Variants in ROBO2 observed in about 807,000 individuals in gnomAD.
ROBO2 encodes the protein roundabout guidance receptor 2, also known as roundabout homolog 2.
In ROBO2, 53 loss-of-function variants were observed where a neutral mutation model predicts 160.8. That is an observed-to-expected ratio of 0.33 (90% CI 0.26 to 0.41). ROBO2 has a LOEUF of 0.41. ROBO2 is among the 10% of genes least tolerant of loss of function. ROBO2 has a pLI of 1.00. For synonymous variants in ROBO2, 664 were observed against 611.7 expected (o/e 1.09, Z -1.26); for missense variants, 1,577 against 1,722.4 (o/e 0.92, Z 1.49).
At position 76,002,927 on chromosome 3, in the gene ROBO2, G is replaced by A. The variant is rs146312927; in HGVS notation, c.109+65325G>A. Among the ~76,000 whole-genome samples the A allele has an allele frequency of 4.7e-4, 72 of 152,248 alleles. No homozygotes were observed. The East Asian group carries it at 0.012, about 26-fold the overall frequency. ...ACCCAGTGTGCACTGTTTTGTTAGG[G>A]CAGCCCCAGGAAACTACTACAGATA... On this transcript the variant is annotated intron_variant, in intron 2 of 26. Transcript: ENST00000487694.
At chr3:77,125,773 C>A (rs2075262420) in intron 2 of ROBO2, among the ~76,000 whole-genome samples, 1 of 152,086 alleles carries the variant, frequency 6.6e-6, no homozygotes, top group African/African-American at 2.4e-5. Context: ...ATATATATAA[C>A]TTAACTGAAG....
intron 2 of ROBO2, among the ~76,000 whole-genome samples, chr3:77,291,241 A>G (rs533564191): frequency 9.2e-5 from 14 of 152,100 alleles, no homozygotes; most frequent in African/African-American, 2.4e-4. Context: ...GACATAAAGT[A>G]AAATTGACGG....
At chr3:77,368,880 C>A (rs1223164102) in intron 2 of ROBO2, among the ~76,000 whole-genome samples, 1 of 152,116 alleles carries the variant, frequency 6.6e-6, no homozygotes, top group African/African-American at 2.4e-5. Flanking sequence ...TATATGAATA[C>A]ATGCATAGTA....
At position 76,799,213 on chromosome 3, in the gene ROBO2, C is replaced by CA. The variant is rs1339846922; in HGVS notation, c.110-298793dup. Among the ~76,000 whole-genome samples, 229 of 134,544 alleles carry CA rather than the reference C, an allele frequency of 1.7e-3. 1 individual carries two copies. Among genetic ancestry groups the CA allele is most frequent in the African/African-American group, 5.7e-3 (219 of 38,664 alleles). 88.3% of individuals were successfully genotyped at this position (134,544 alleles called of 152,430 possible). ...TGGGCGACAGAGTGAGACTCCGTCT[C>CA]AAAAAAAACAAAAACAAAACAAAAA... On this transcript the variant is annotated intron_variant, in intron 2 of 26. Coordinates refer to the ROBO2 transcript ENST00000487694.
At chr3:76,145,651 A>C (rs1322387192) in intron 2 of ROBO2, among the ~76,000 whole-genome samples, 1 of 152,054 alleles carries the variant, frequency 6.6e-6, no homozygotes, top group Non-Finnish European at 1.5e-5. Flanking sequence ...ATAGATACAG[A>C]AATTTACTTA....
At position 76,731,441 on chromosome 3, in the gene ROBO2, C is replaced by G. The variant is rs191962882; in HGVS notation, c.110-366573C>G. Among the ~76,000 whole-genome samples the G allele has an allele frequency of 2.3e-3, 345 of 152,168 alleles. 2 individuals carry two copies. The highest frequency in any genetic ancestry group is 7.9e-3 in the African/African-American group (329 of 41,522). On this transcript the variant is annotated intron_variant, in intron 2 of 26. Coordinates refer to the ROBO2 transcript ENST00000487694. ...TATGAGCATAGCATTGTGACCATAT[C>G]CCGCTTTTTGACTTCAAATTCTCAA...
At chr3:76,323,635 T>G (rs1194094775) in intron 2 of ROBO2, among the ~76,000 whole-genome samples, 1 of 152,072 alleles carries the variant, frequency 6.6e-6, no homozygotes, top group African/African-American at 2.4e-5. Flanking sequence ...AAAATTGGAG[T>G]ATTCACAAGG....
chr3:77,024,253 T>A (rs1393133041), intron 2 of ROBO2, among the ~76,000 whole-genome samples: 1 of 152,122 alleles, frequency 6.6e-6, no homozygotes, highest in Non-Finnish European at 1.5e-5. Flanking sequence ...TTAGAGGGAA[T>A]CCATTGGAAG....
At chr3:76,968,922 T>C (rs2059438252) in intron 2 of ROBO2, among the ~76,000 whole-genome samples, 1 of 151,338 alleles carries the variant, frequency 6.6e-6, no homozygotes, top group Non-Finnish European at 1.5e-5. Context: ...TAAAAGTTAA[T>C]TTAGTGACAG....
intron 2 of ROBO2, among the ~76,000 whole-genome samples, chr3:76,473,848 G>A (rs1376532101): frequency 6.6e-6 from 1 of 152,144 alleles, no homozygotes; most frequent in Non-Finnish European, 1.5e-5. Context: ...ATGCAAGTTA[G>A]AACAAAGTGC....
chr3:76,415,168 G>A (rs764816584), intron 2 of ROBO2, among the ~76,000 whole-genome samples: 48 of 152,064 alleles, frequency 3.2e-4, no homozygotes, highest in Non-Finnish European at 5.6e-4. Context: ...TATATCAAGG[G>A]GCCAGAAGTA....
chr3:76,196,977 A>C (rs898197063), intron 2 of ROBO2, among the ~76,000 whole-genome samples: 1 of 152,208 alleles, frequency 6.6e-6, no homozygotes, highest in Non-Finnish European at 1.5e-5. Context: ...TAATGATTAC[A>C]TACTTTACAC....
At chr3:76,285,417 A>G (rs1708459432) in intron 2 of ROBO2, among the ~76,000 whole-genome samples, 1 of 152,146 alleles carries the variant, frequency 6.6e-6, no homozygotes. Context: ...ATAAGAGCAT[A>G]TCAAAACTCT....
chr3:76,016,663 G>A (rs2066413289), intron 2 of ROBO2, among the ~76,000 whole-genome samples: 1 of 151,834 alleles, frequency 6.6e-6, no homozygotes, highest in African/African-American at 2.4e-5. Flanking sequence ...AAAATAAACT[G>A]GTATATGCAA....
chr3:77,077,177 T>TA (rs1340833448), intron 1 of ROBO2, among the ~76,000 whole-genome samples: 4 of 152,196 alleles, frequency 2.6e-5, no homozygotes, highest in Non-Finnish European at 5.9e-5. Context: ...TACAAGCTTT[T>TA]AAAATCTCAG....
intron 2 of ROBO2, among the ~76,000 whole-genome samples, chr3:76,651,716 A>T (rs983043912): frequency 6.6e-6 from 1 of 152,178 alleles, no homozygotes; most frequent in Non-Finnish European, 1.5e-5. Context: ...CCTTTAAAAA[A>T]TTATTTTATT....
chr3:77,111,728 G>A (rs2073604018), intron 2 of ROBO2, among the ~76,000 whole-genome samples: 1 of 152,120 alleles, frequency 6.6e-6, no homozygotes, highest in African/African-American at 2.4e-5. Flanking sequence ...TGGGAGTTTG[G>A]CAAGAATGCC....
At chr3:76,421,378 G>T (rs568711177) in intron 2 of ROBO2, among the ~76,000 whole-genome samples, 141 of 152,238 alleles carry the variant, frequency 9.3e-4, no homozygotes, top group African/African-American at 3.3e-3. Context: ...TTTAAAATAA[G>T]ATTCAAACAT....
At chr3:77,203,710 G>A (rs2083139308) in intron 2 of ROBO2, among the ~76,000 whole-genome samples, 1 of 152,112 alleles carries the variant, frequency 6.6e-6, no homozygotes, top group African/African-American at 2.4e-5. Flanking sequence ...AAGACATTTT[G>A]ATAATGATTG....
Sources: gnomAD v4.1 joint callset for allele counts (sites outside exome capture counted in the v4.1 genomes callset) on GRCh38, gnomAD v4.1.1 for gene constraint, MANE v1.5 for transcripts, NCBI Gene and HGNC (gene_info 2026-07-23, HGNC 2026-07-21) for gene names.